The following KIAA1217 variants were observed in gnomAD, a reference collection of about 807,000 sequenced individuals.
KIAA1217 encodes the protein sickle tail protein homolog.
Under a neutral mutation model 163.9 loss-of-function variants are expected in KIAA1217, and 88 were observed. The ratio of observed to expected loss-of-function variants is 0.54; its 90% CI spans 0.45 to 0.64. The LOEUF (loss-of-function observed/expected upper bound fraction) is 0.64. KIAA1217 is among the 30% of genes least tolerant of loss of function. KIAA1217 has a pLI of 0.00. For missense variants in KIAA1217, 2,372 were observed against 2,475.0 expected, an observed-to-expected ratio of 0.96 and a Z score of 0.88; for synonymous variants, 903 against 923.1, an observed-to-expected ratio of 0.98 and a Z score of 0.39.
intron 2 of KIAA1217, among the ~76,000 whole-genome samples, chr10:24,308,101 C>A (rs1202921501): frequency 6.6e-6 from 1 of 152,140 alleles, no homozygotes; most frequent in Non-Finnish European, 1.5e-5. Context: ...TTACGTGTAA[C>A]AATTGTTGAG....
intron 1 of KIAA1217, among the ~76,000 whole-genome samples, chr10:24,004,582 C>G (rs1846904628): frequency 6.6e-6 from 1 of 152,184 alleles, no homozygotes. Context: ...CGAAGAGATC[C>G]AAGCAATGGA....
intron 1 of KIAA1217, among the ~76,000 whole-genome samples, chr10:23,740,119 CAG>C (rs1839026303): frequency 6.6e-6 from 1 of 151,870 alleles, no homozygotes; most frequent in African/African-American, 2.4e-5. Context: ...ATCTGAAGCT[CAG>C]GGGAGAGGTC....
intron 2 of KIAA1217, among the ~76,000 whole-genome samples, chr10:24,380,016 C>A (rs1399874935): frequency 1.3e-5 from 2 of 152,132 alleles, no homozygotes. Context: ...GGCACCACTG[C>A]ACTCCAGTCT....
intron 1 of KIAA1217, among the ~76,000 whole-genome samples, chr10:23,827,694 C>A (rs1377944616): frequency 6.6e-6 from 1 of 152,216 alleles, no homozygotes; most frequent in African/African-American, 2.4e-5. Context: ...TGAATTCCTC[C>A]TCAGCCTATT....
chr10:24,261,123 A>T (rs1590317265), intron 2 of KIAA1217, among the ~76,000 whole-genome samples: 4 of 152,190 alleles, frequency 2.6e-5, no homozygotes, highest in Admixed American at 2.6e-4. Flanking sequence ...TCCTTCTCCA[A>T]ATGATGGCTC....
In KIAA1217 at chr10:23,710,850, C is replaced by T. The variant is rs765263073; in HGVS notation, c.-321+15616C>T. ...AATGGGTACAATGAGTATAGGGAAC[C>T]GGGTCACCATCTATCCTTCTTATTC... On this transcript the variant is annotated intron_variant, in intron 1 of 18. Coordinates refer to the KIAA1217 transcript ENST00000376462. Among the ~76,000 whole-genome samples, 9 of 152,238 alleles carry T rather than the reference C, an allele frequency of 5.9e-5. No homozygotes were observed. The East Asian group carries it at 7.7e-4, about 13-fold the overall frequency.
chr10:23,746,883 AG>A (rs1839445113), intron 1 of KIAA1217, among the ~76,000 whole-genome samples: 1 of 152,168 alleles, frequency 6.6e-6, no homozygotes, highest in African/African-American at 2.4e-5. Context: ...GTCAAGGTAA[AG>A]GGTTAATGGG....
At chr10:24,522,251 G>A (rs538909486) in intron 12 of KIAA1217, among the ~76,000 whole-genome samples, 19 of 152,260 alleles carry the variant, frequency 1.2e-4, no homozygotes, top group Middle Eastern at 3.4e-3. Flanking sequence ...TTGAGCCCAG[G>A]AGTATGAGGC....
At chr10:23,811,999 C>G (rs1003207285) in intron 1 of KIAA1217, among the ~76,000 whole-genome samples, 2 of 152,054 alleles carry the variant, frequency 1.3e-5, no homozygotes, top group African/African-American at 4.8e-5. Context: ...GTGAGGGGAT[C>G]GCTTGAGCCC....
At chr10:23,772,755 C>T (rs956108069) in intron 1 of KIAA1217, among the ~76,000 whole-genome samples, 1 of 152,172 alleles carries the variant, frequency 6.6e-6, no homozygotes, top group South Asian at 2.1e-4. Flanking sequence ...AGAATTAATC[C>T]TATTGGATAA....
intron 1 of KIAA1217, among the ~76,000 whole-genome samples, chr10:23,796,341 T>C (rs1836200729): frequency 1.4e-5 from 1 of 72,516 alleles, no homozygotes; most frequent in African/African-American, 7.6e-5. Context: ...GAGAGACTGC[T>C]TATTTATTTA....
Position 24,380,888 on chromosome 10 carries a change from C to T in KIAA1217, c.374C>T (p.Ser125Phe), listed in dbSNP as rs771370380. ...TTGCAGACAAGGAGCCCCAAACTGT[C>T]TCACAGTCCTCAACCACCCAGTCTG... ...LRDQTRSPKL[S>F]HSPQPPSLGD... Residue 125 changes from serine (S) to phenylalanine (F), a missense_variant, in exon 3 of 21, where the codon TCT becomes TTT. This residue lies in a region of KIAA1217 where 1,431 missense variants were observed against 1,470.3 expected (regional missense o/e 0.97). Coordinates refer to ENST00000376454, the MANE Select transcript of KIAA1217 (RefSeq NM_019590.5). 2 of 1,562,956 alleles carry T rather than the reference C, an allele frequency of 1.3e-6. No individual in the cohort carries two copies. Among genetic ancestry groups the T allele is most frequent in the Non-Finnish European group, 1.7e-6 (2 of 1,152,694 alleles).
chr10:23,963,821 G>C lies in KIAA1217; in HGVS notation c.-320-43404G>C, dbSNP rs182534203. On this transcript the variant is annotated intron_variant, in intron 1 of 18. Transcript: ENST00000376462. ...ATCATAGCCATTCTAACTGGCATGAGATGGTATCTCATTGTGGTTTTGATT... is the reference window on the plus strand; with the variant it reads ...ATCATAGCCATTCTAACTGGCATGACATGGTATCTCATTGTGGTTTTGATT... Among the ~76,000 whole-genome samples, 83 of 152,056 alleles carry C rather than the reference G, an allele frequency of 5.5e-4. 1 individual carries two copies. In the East Asian group the frequency reaches 0.015, roughly 28 times the overall value.
intron 1 of KIAA1217, among the ~76,000 whole-genome samples, chr10:23,985,573 T>G (rs558389932): frequency 6.6e-6 from 1 of 152,200 alleles, no homozygotes; most frequent in East Asian, 1.9e-4. Context: ...TCAGTTGATC[T>G]CATCATCAAC....
chr10:24,223,869 G>A (rs1791722537), intron 2 of KIAA1217, among the ~76,000 whole-genome samples: 1 of 129,344 alleles, frequency 7.7e-6, no homozygotes, highest in South Asian at 2.9e-4. Context: ...CAGATAACTG[G>A]GAGTCCAGGA....
chr10:23,962,423 A>C (rs190685319), intron 1 of KIAA1217, among the ~76,000 whole-genome samples: 17 of 152,328 alleles, frequency 1.1e-4, no homozygotes, highest in Non-Finnish European at 2.1e-4. Context: ...CAAGTTGTCT[A>C]TCTGTTGTTA....
chr10:24,139,698 C>T, intron 2 of KIAA1217, among the ~76,000 whole-genome samples: 1 of 152,020 alleles, frequency 6.6e-6, no homozygotes, highest in East Asian at 1.9e-4. Context: ...ATAATAATAT[C>T]CATTTTATAG....
intron 5 of KIAA1217, among the ~76,000 whole-genome samples, chr10:24,453,606 TA>T (rs1192783018): frequency 2.0e-5 from 3 of 152,242 alleles, no homozygotes; most frequent in Non-Finnish European, 4.4e-5. Flanking sequence ...GGCATTATTT[TA>T]AAAAACAGCC....
At chr10:23,740,989 A>C (rs1839079720) in intron 1 of KIAA1217, among the ~76,000 whole-genome samples, 1 of 152,224 alleles carries the variant, frequency 6.6e-6, no homozygotes. Context: ...GGGATAAAGC[A>C]GACATCCATC....
Sources: allele counts gnomAD v4.1 joint callset (sites outside exome capture counted in the v4.1 genomes callset), GRCh38; gene constraint gnomAD v4.1.1; regional missense constraint gnomAD v4.1.1; transcripts MANE v1.5; gene names NCBI Gene and HGNC (gene_info 2026-07-23, HGNC 2026-07-21).